The following SLC8A1 variants were observed in gnomAD, a reference collection of about 807,000 sequenced individuals.
SLC8A1 encodes sodium/calcium exchanger 1.
Under a neutral mutation model 68.3 loss-of-function variants are expected in SLC8A1, and 18 were observed. That is an observed-to-expected ratio of 0.26 (90% confidence interval 0.18 to 0.39). The LOEUF (loss-of-function observed/expected upper bound fraction) is 0.39, where lower values mean the gene tolerates loss of function less well. Among genes scored for constraint, SLC8A1 ranks in the 10% least tolerant of loss-of-function variants. The pLI is 1.00. For missense variants in SLC8A1, 985 were observed against 1,156.7 expected (o/e 0.85, Z 2.15); for synonymous variants, 475 against 415.5 (o/e 1.14, Z -1.74).
intron 2 of SLC8A1, among the ~76,000 whole-genome samples, chr2:40,196,505 C>T (rs1281068797): frequency 2.0e-5 from 3 of 151,856 alleles, no homozygotes; most frequent in South Asian, 2.1e-4. Context: ...GCTTTAGAAA[C>T]GAAGATTCCT....
chr2:40,183,656 T>C (rs1267009018), intron 2 of SLC8A1, among the ~76,000 whole-genome samples: 1 of 152,186 alleles, frequency 6.6e-6, no homozygotes, highest in African/African-American at 2.4e-5. Context: ...TATGCTGAAG[T>C]CTGAGAGGCA....
chr2:40,488,565 T>C (rs1341771858), intron 1 of SLC8A1, among the ~76,000 whole-genome samples: 1 of 152,024 alleles, frequency 6.6e-6, no homozygotes, highest in African/African-American at 2.4e-5. Context: ...CATATGACAG[T>C]GTGCTTTTGA....
intron 2 of SLC8A1, among the ~76,000 whole-genome samples, chr2:40,249,188 G>A (rs2062349496): frequency 6.6e-6 from 1 of 152,088 alleles, no homozygotes; most frequent in Non-Finnish European, 1.5e-5. Flanking sequence ...AATGTTTGAT[G>A]TTATATCTCT....
At chr2:40,326,946 A>G (rs2075893823) in intron 2 of SLC8A1, among the ~76,000 whole-genome samples, 1 of 152,226 alleles carries the variant, frequency 6.6e-6, no homozygotes, top group Non-Finnish European at 1.5e-5. Flanking sequence ...TAATGGTCCA[A>G]GTAATCTTCC....
intron 5 of SLC8A1, 88 bp downstream of exon 8, chr2:40,164,766 A>C: frequency 1.3e-6 from 2 of 1,515,214 alleles, no homozygotes; most frequent in Non-Finnish European, 1.8e-6. Flanking sequence ...TACTCTTTCC[A>C]GGTGGATCTT....
chr2:40,322,501 TAAAAAA>T (rs10708563), intron 2 of SLC8A1, among the ~76,000 whole-genome samples: 1 of 97,324 alleles, frequency 1.0e-5, no homozygotes, highest in Non-Finnish European at 2.1e-5. Context: ...TACAAAAGGT[TAAAAAA>T]AAAAAAAAAA....
chr2:40,279,166 C>T (rs888633498), intron 2 of SLC8A1, among the ~76,000 whole-genome samples: 3 of 152,178 alleles, frequency 2.0e-5, no homozygotes, highest in African/African-American at 4.8e-5. Flanking sequence ...GTGCCCAAGA[C>T]CATGGAGAAT....
intron 6 of SLC8A1, among the ~76,000 whole-genome samples, chr2:40,154,636 C>T (rs1385400412): frequency 6.6e-6 from 1 of 151,752 alleles, no homozygotes; most frequent in African/African-American, 2.4e-5. Context: ...CAAAGTGGGC[C>T]ACAATTTCAC....
At chr2:40,475,888 A>C (rs1049718849) in intron 1 of SLC8A1, among the ~76,000 whole-genome samples, 2 of 152,040 alleles carry the variant, frequency 1.3e-5, no homozygotes, top group Non-Finnish European at 2.9e-5. Flanking sequence ...TCCCCCAAAA[A>C]ACATAACTTT....
At chr2:40,297,236 T>C (rs189046947) in intron 2 of SLC8A1, among the ~76,000 whole-genome samples, 4 of 152,292 alleles carry the variant, frequency 2.6e-5, no homozygotes, top group Non-Finnish European at 4.4e-5. Flanking sequence ...CAATAATAAA[T>C]ATGTAATACA....
intron 2 of SLC8A1, among the ~76,000 whole-genome samples, chr2:40,346,047 T>TAAAA (rs774555210): frequency 0.011 from 465 of 40,980 alleles, no homozygotes; most frequent in East Asian, 0.014. Flanking sequence ...ACATTAACAG[T>TAAAA]AAAAAAAAAA....
exon 2 of SLC8A1, chr2:40,429,634 G>A: frequency 6.2e-7 from 1 of 1,613,810 alleles, no homozygotes; most frequent in Middle Eastern, 1.7e-4. Context: ...GTAAAGCCAG[G>A]TGTAGGCAAA....
chr2:40,231,175 G>A (rs1288833729), intron 2 of SLC8A1, among the ~76,000 whole-genome samples: 1 of 152,156 alleles, frequency 6.6e-6, no homozygotes, highest in Non-Finnish European at 1.5e-5. Flanking sequence ...GAGAGGTGCT[G>A]GTTCTTGGCA....
intron 1 of SLC8A1, among the ~76,000 whole-genome samples, chr2:40,487,372 G>C (rs528285171): frequency 1.2e-4 from 19 of 152,252 alleles, no homozygotes; most frequent in African/African-American, 4.6e-4. Context: ...GTATGTTACA[G>C]AAGACAGATG....
chr2:40,227,485 G>A (rs1458401662), intron 2 of SLC8A1, among the ~76,000 whole-genome samples: 2 of 151,980 alleles, frequency 1.3e-5, no homozygotes, highest in East Asian at 1.9e-4. Flanking sequence ...CAAATACGAC[G>A]TGTTCTGACT....
At chr2:40,390,008 T>C (rs1198578840) in intron 2 of SLC8A1, among the ~76,000 whole-genome samples, 2 of 151,926 alleles carry the variant, frequency 1.3e-5, no homozygotes, top group African/African-American at 2.4e-5. Context: ...TCCCTCCTCA[T>C]TGAAAGTTCC....
At chr2:40,233,186 A>G (rs1191082773) in intron 2 of SLC8A1, among the ~76,000 whole-genome samples, 1 of 152,136 alleles carries the variant, frequency 6.6e-6, no homozygotes, top group Non-Finnish European at 1.5e-5. Context: ...TGACTTCCAC[A>G]ATGGTTGAAC....
chr2:40,399,641 C>T (rs912821879), intron 2 of SLC8A1, among the ~76,000 whole-genome samples: 3 of 152,118 alleles, frequency 2.0e-5, no homozygotes, highest in Non-Finnish European at 4.4e-5. Flanking sequence ...ACCAAAAATG[C>T]TATGCTGTGG....
chr2:40,468,205 GTACAA>G (rs1251015687), intron 1 of SLC8A1, among the ~76,000 whole-genome samples: 16 of 152,124 alleles, frequency 1.1e-4, no homozygotes, highest in African/African-American at 3.9e-4. Flanking sequence ...ATTTTATCAT[GTACAA>G]AGTATACTCA....
Sources: gnomAD v4.1 joint callset for allele counts (sites outside exome capture counted in the v4.1 genomes callset) on GRCh38, gnomAD v4.1.1 for gene constraint, MANE v1.5 for transcripts, NCBI Gene and HGNC (gene_info 2026-07-23, HGNC 2026-07-21) for gene names.